Variants in MINK1 observed in about 807,000 individuals in gnomAD.
MINK1 encodes misshapen like kinase 1, also known as misshapen-like kinase 1.
MINK1 carries 46 observed loss-of-function variants against 178.4 expected under a neutral mutation model. The ratio of observed to expected loss-of-function variants is 0.26; its 90% CI spans 0.20 to 0.33. The LOEUF (loss-of-function observed/expected upper bound fraction) is 0.33. MINK1 is among the 10% of genes least tolerant of loss of function. The pLI is 1.00. For synonymous variants in MINK1, 797 were observed against 709.7 expected (o/e 1.12, Z -1.96); for missense variants, 1,366 against 1,814.9 (o/e 0.75, Z 4.49).
chr17:4,851,463 C>T (rs960527315), intron 1 of MINK1, among the ~76,000 whole-genome samples: 43 of 152,174 alleles, frequency 2.8e-4, no homozygotes, highest in African/African-American at 9.7e-4. Context: ...CTGAGTTACC[C>T]TCTTCCATCT....
At position 4,887,940 on chromosome 17, in the gene MINK1, C is replaced by A; in HGVS notation, c.1230+150C>A. On this transcript the variant is annotated intron_variant, in intron 12 of 31. Coordinates refer to ENST00000355280, the MANE Select transcript of MINK1 (RefSeq NM_153827.5). This position sits in a 1 kb window ranked among gnomAD's most constrained non-coding sequence, Gnocchi z 7.6. ...ATATGATTTCAAATTTCATGATGAG[C>A]TGGACTTAACACAAAATGTAATCCC... 1.4e-6 allele frequency: 1 copy of A among 698,594 alleles called. No homozygotes were observed. The highest frequency in any genetic ancestry group is 2.2e-6 in the Non-Finnish European group (1 of 456,442). 43.3% of individuals were successfully genotyped at this position (698,594 alleles called of 1,614,324 possible).
chr17:4,864,821 G>A (rs901297298), intron 1 of MINK1, among the ~76,000 whole-genome samples: 1 of 152,224 alleles, frequency 6.6e-6, no homozygotes, highest in Non-Finnish European at 1.5e-5. Context: ...AGGACCGGAA[G>A]GATGGGGCAG....
chr17:4,860,335 CG>C (rs1163228674), intron 1 of MINK1, among the ~76,000 whole-genome samples: 1 of 152,158 alleles, frequency 6.6e-6, no homozygotes, highest in Non-Finnish European at 1.5e-5. Flanking sequence ...GAGGGACTGA[CG>C]GGGGTTTCAC....
chr17:4,869,747 C>G (rs1285364194), intron 1 of MINK1, among the ~76,000 whole-genome samples: 2 of 141,032 alleles, frequency 1.4e-5, no homozygotes, highest in Admixed American at 7.0e-5. Flanking sequence ...TTGGCAGCAT[C>G]TCTTTTTTTT....
chr17:4,840,867 G>A (rs920848034), intron 1 of MINK1, among the ~76,000 whole-genome samples: 15 of 152,122 alleles, frequency 9.9e-5, no homozygotes, highest in African/African-American at 3.6e-4. Context: ...CTTGAATGTC[G>A]GGAGGATGGC....
At chr17:4,856,166 G>A (rs1913102280) in intron 1 of MINK1, among the ~76,000 whole-genome samples, 1 of 152,138 alleles carries the variant, frequency 6.6e-6, no homozygotes, top group Admixed American at 6.6e-5. Flanking sequence ...TTCACCCCAA[G>A]CACCTTGGGG....
chr17:4,869,513 G>A (rs1168624485), intron 1 of MINK1, among the ~76,000 whole-genome samples: 1 of 150,532 alleles, frequency 6.6e-6, no homozygotes, highest in Non-Finnish European at 1.5e-5. Context: ...CTGGGCTCAA[G>A]TGATCCTCCT....
intron 1 of MINK1, among the ~76,000 whole-genome samples, chr17:4,857,726 C>A (rs1031543401): frequency 1.3e-5 from 2 of 151,998 alleles, no homozygotes; most frequent in South Asian, 4.1e-4. Flanking sequence ...CCTTGGCATC[C>A]CAAAGTGCTG....
intron 1 of MINK1, among the ~76,000 whole-genome samples, chr17:4,867,701 A>G (rs550273179): frequency 6.6e-6 from 1 of 151,744 alleles, no homozygotes; most frequent in South Asian, 2.1e-4. Flanking sequence ...AATCACAGCT[A>G]CTGGTGAGGC....
intron 1 of MINK1, among the ~76,000 whole-genome samples, chr17:4,843,929 G>A (rs532577680): frequency 1.3e-5 from 2 of 152,144 alleles, no homozygotes; most frequent in Non-Finnish European, 2.9e-5. Flanking sequence ...GCACTGAGGG[G>A]AGGACAGGAG....
Position 4,897,112 on chromosome 17 carries a change from T to C in MINK1, c.3916-92T>C, listed in dbSNP as rs73973648. On this transcript the variant is annotated intron_variant, in intron 31 of 31. Coordinates refer to ENST00000355280, the MANE Select transcript of MINK1 (RefSeq NM_153827.5). ...GCAGTCTCTGTGTCTCCCTCAACTC[T>C]TCTGCCACCCCTTCTTCCCTTCTTT... 7,714 of 1,132,048 alleles carry C rather than the reference T, an allele frequency of 6.8e-3. 183 individuals carry two copies. In the African/African-American group the frequency reaches 0.069, roughly 10 times the overall value. The allele number at this position is 1,132,048 out of a possible 1,614,324, so 70.1% of individuals were successfully genotyped here.
At position 4,891,673 on chromosome 17, in the gene MINK1, A is replaced by G. The variant is rs768501545; in HGVS notation, c.1958A>G (p.Asn653Ser). 5 of 1,601,764 alleles carry G rather than the reference A, an allele frequency of 3.1e-6. No homozygotes were observed. In the South Asian group the frequency reaches 5.6e-5, roughly 18 times the overall value. The part of the protein sequence containing the change: ...PTSEGPGPSP[N>S]PPAWVRPDNE... The stretch of plus-strand genomic sequence containing the variant: ...TCTGAAGGACCTGGCCCCAGCCCGA[A>G]TCCCCCAGCCTGGGTCCGCCCAGAT... The change falls in exon 16 of 32, where the codon AAT becomes AGT. Residue 653 changes from asparagine to serine, a missense_variant. Physicochemically the swap from Asn to Ser is conservative, Grantham distance 46 (BLOSUM62 1). Around this residue, in one of 14 missense-constraint regions of MINK1, gnomAD observed 709 missense variants for 692.3 expected, o/e 1.02. Transcript: ENST00000355280.
In MINK1 at chr17:4,887,178, AG is replaced by A; in HGVS notation, c.1019+1del. 1 of 1,601,480 alleles carries A rather than the reference AG, an allele frequency of 6.2e-7. No homozygotes were observed. Among genetic ancestry groups the A allele is most frequent in the Non-Finnish European group, 8.5e-7 (1 of 1,174,314 alleles). Reference protein sequence around the residue: ...DDSHGEEGEPSSIMNVPGEST... With the variant: ...DDSHGEEGEPXSIMNVPGEST... ...CAGCCATGGAGAGGAAGGAGAGCCA[AG>A]GTAGGCCTGGCAGGTGGAGTGGGGG... On this transcript the variant is annotated frameshift_variant and splice_region_variant, in exon 11 of 32. Coordinates refer to ENST00000355280, the MANE Select transcript of MINK1 (RefSeq NM_153827.5). LOFTEE classifies it high-confidence loss of function. This position sits in a 1 kb window ranked among gnomAD's most constrained non-coding sequence, Gnocchi z 7.6.
intron 1 of MINK1, chr17:4,834,761 AG>A (rs1312176763): frequency 1.9e-6 from 1 of 520,048 alleles, no homozygotes; most frequent in Non-Finnish European, 3.8e-6. Context: ...TGGGGAGAGC[AG>A]GACTTCCCAT....
intron 1 of MINK1, among the ~76,000 whole-genome samples, chr17:4,853,012 G>A (rs1352338877): frequency 4.2e-4 from 5 of 11,948 alleles, no homozygotes; most frequent in African/African-American, 2.4e-3. Flanking sequence ...GTTGGTGGGG[G>A]GAGTGTGGTT....
At chr17:4,884,238 G>C (rs1967995718) in intron 4 of MINK1, 125 bp from the exon 5 acceptor site, 1 of 703,348 alleles carries the variant, frequency 1.4e-6, no homozygotes, top group South Asian at 1.7e-5. Context: ...TTGCTCTCTA[G>C]CTCATACCAG....
intron 1 of MINK1, among the ~76,000 whole-genome samples, chr17:4,861,466 G>A (rs954097687): frequency 6.6e-6 from 1 of 152,046 alleles, no homozygotes; most frequent in Admixed American, 6.6e-5. Context: ...CACTTGTATG[G>A]TATCTTCTTG....
chr17:4,891,703 A>G lies in MINK1; in HGVS notation c.1988A>G (p.Glu663Gly). Residue 663 changes from glutamate (E) to glycine (G), a missense_variant, in exon 16 of 32, where the codon GAG becomes GGG. Physicochemically the swap from Glu to Gly is moderately conservative, Grantham distance 98 (BLOSUM62 -2). Transcript: ENST00000355280. ...CCAGCCTGGGTCCGCCCAGATAACG[A>G]GGCCCCACCCAAGGTAAGGACAGTT... Reference protein sequence around the residue: ...NPPAWVRPDNEAPPKVPQRTS... With the variant: ...NPPAWVRPDNGAPPKVPQRTS... 6.2e-7 allele frequency: 1 copy of G among 1,603,026 alleles called. No homozygotes were observed. Among genetic ancestry groups the G allele is most frequent in the Non-Finnish European group, 8.5e-7 (1 of 1,175,408 alleles).
At chr17:4,866,837 G>T (rs1915056558) in intron 1 of MINK1, among the ~76,000 whole-genome samples, 1 of 151,912 alleles carries the variant, frequency 6.6e-6, no homozygotes, top group Admixed American at 6.6e-5. Context: ...ACTTCGGGAG[G>T]CCGAGGCAGG....
Sources: gnomAD v4.1 joint callset for allele counts (sites outside exome capture counted in the v4.1 genomes callset) on GRCh38, gnomAD v4.1.1 for gene constraint, gnomAD v4.1.1 regional missense constraint, Gnocchi (gnomAD v3.1) non-coding constraint, MANE v1.5 for transcripts, NCBI Gene and HGNC (gene_info 2026-07-23, HGNC 2026-07-21) for gene names.